The following KCNQ2 variants were observed in gnomAD, a reference collection of about 807,000 sequenced individuals.
KCNQ2 encodes the protein potassium voltage-gated channel subfamily Q member 2, also known as potassium voltage-gated channel subfamily KQT member 2.
In KCNQ2, 14 loss-of-function variants were observed where a neutral mutation model predicts 84.8. The ratio of observed to expected loss-of-function variants is 0.17; its 90% CI spans 0.11 to 0.26. The LOEUF is 0.26. Ranked by LOEUF, KCNQ2 falls within the 10% of genes least tolerant of loss-of-function variation. The pLI is 1.00. For missense variants in KCNQ2, 788 were observed against 1,254.0 expected, an observed-to-expected ratio of 0.63 and a Z score of 5.61; for synonymous variants, 599 against 554.1, an observed-to-expected ratio of 1.08 and a Z score of -1.14.
At chr20:63,421,860 A>T (rs143459797) in intron 11 of KCNQ2, among the ~76,000 whole-genome samples, 4,284 of 152,116 alleles carry the variant, frequency 0.028, 89 homozygotes, top group Middle Eastern at 0.082. Flanking sequence ...CGAGCCCCGC[A>T]GCCTGCCTGG....
intron 5 of KCNQ2, among the ~76,000 whole-genome samples, chr20:63,441,401 C>A (rs532289027): frequency 1.2e-3 from 183 of 152,184 alleles, no homozygotes; most frequent in African/African-American, 4.2e-3. Context: ...GCAGAGGGAC[C>A]CAGAGGGGAG....
At chr20:63,443,132 C>T (rs1238767425) in intron 4 of KCNQ2, among the ~76,000 whole-genome samples, 8 of 96,246 alleles carry the variant, frequency 8.3e-5, no homozygotes, top group African/African-American at 1.6e-4. Context: ...ACCACCACCA[C>T]CATCATCACC....
In KCNQ2 at chr20:63,400,755, G is replaced by A. The variant is rs980195821; in HGVS notation, c.*5889C>T. ...TGTGGATCCCGGGCAGAGGGATGGC[G>A]TCCAGCGGGACCACCAGCTCTGGGC... is the stretch of plus-strand genomic sequence containing the variant. On this transcript the variant is annotated 3_prime_UTR_variant, in exon 17 of 17. Transcript: ENST00000359125. This position sits in a 1 kb window ranked among gnomAD's most constrained non-coding sequence, Gnocchi z 8.7. 5.8e-5 allele frequency: 23 copies of A among 398,064 alleles called. No individual in the cohort carries two copies. The highest frequency in any genetic ancestry group is 2.5e-4 in the African/African-American group (12 of 48,506). 24.7% of individuals were successfully genotyped at this position (398,064 alleles called of 1,614,324 possible).
At chr20:63,454,855 A>C (rs1402690522) in intron 1 of KCNQ2, among the ~76,000 whole-genome samples, 1 of 152,136 alleles carries the variant, frequency 6.6e-6, no homozygotes, top group African/African-American at 2.4e-5. Context: ...CGAGCGTCCA[A>C]ATGTGGGACA....
chr20:63,464,238 G>A (rs2082027125), intron 1 of KCNQ2, among the ~76,000 whole-genome samples: 1 of 151,942 alleles, frequency 6.6e-6, no homozygotes, highest in Non-Finnish European at 1.5e-5. Flanking sequence ...GCTGGCCCTG[G>A]GCTGGGAGCT....
chr20:63,469,688 G>A (rs1314332554), intron 1 of KCNQ2, among the ~76,000 whole-genome samples: 2 of 152,278 alleles, frequency 1.3e-5, no homozygotes, highest in African/African-American at 2.4e-5. Context: ...GCAGCACAAG[G>A]AGCCCTGGCC....
At chr20:63,424,737 C>T (rs1025772360) in intron 10 of KCNQ2, among the ~76,000 whole-genome samples, 4 of 152,238 alleles carry the variant, frequency 2.6e-5, no homozygotes, top group African/African-American at 4.8e-5. Context: ...ACTGTCCCGG[C>T]CTCGTCCTGC....
Position 63,414,107 on chromosome 20 carries a change from C to G in KCNQ2, c.1612G>C (p.Val538Leu). 1 of 1,613,612 alleles carries G rather than the reference C, an allele frequency of 6.2e-7. No homozygotes were observed. Among genetic ancestry groups the G allele is most frequent in the South Asian group, 1.1e-5 (1 of 91,084 alleles). The stretch of plus-strand genomic sequence containing the variant: ...CCTCACCACACGGCTCTGATGCTGA[C>G]TTTGAGGCCCGGGGTCAGGTCCTCG... ...VTEDLTPGLKVSIRAVCVMRF... is the reference protein window; with the variant it reads ...VTEDLTPGLKLSIRAVCVMRF... The change falls in exon 14 of 17, where the codon GTC becomes CTC. Residue 538 changes from valine to leucine, a missense_variant. By Grantham distance (32) the Val-to-Leu change is conservative. Around this residue, in one of 8 missense-constraint regions of KCNQ2, gnomAD observed 202 missense variants for 239.4 expected, o/e 0.84. Transcript: ENST00000359125. The surrounding 1 kb of genome is among the most constrained non-coding windows in gnomAD (Gnocchi z 6.6).
Position 63,436,775 on chromosome 20 carries a change from C to CTTTT in KCNQ2, c.1023+1846_1023+1849dup, listed in dbSNP as rs60028841. Among the ~76,000 whole-genome samples, 30 of 122,372 alleles carry CTTTT rather than the reference C, an allele frequency of 2.5e-4. 2 individuals carry two copies. Among genetic ancestry groups the CTTTT allele is most frequent in the East Asian group, 7.3e-4 (3 of 4,104 alleles). The allele number at this position is 122,372 out of a possible 152,430, so 80.3% of individuals were successfully genotyped here. A position where few individuals can be genotyped will look rare whatever the true frequency, so the allele number is the denominator to read the frequency against. On this transcript the variant is annotated intron_variant, in intron 7 of 16. Transcript: ENST00000359125. ...AAGCTATGGCATGGTATAAACATAA[C>CTTTT]TTTTTTTTTTTTTTTTTTTGAGACG...
intron 1 of KCNQ2, among the ~76,000 whole-genome samples, chr20:63,468,353 G>A (rs1201111600): frequency 6.6e-6 from 1 of 152,208 alleles, no homozygotes; most frequent in African/African-American, 2.4e-5. Context: ...CCCGCTCTGT[G>A]CTGGGTAAAG....
At position 63,406,830 on chromosome 20, in the gene KCNQ2, C is replaced by T; in HGVS notation, c.2433G>A (p.Lys811=). The change falls in exon 17 of 17, where the codon AAG becomes AAA. Residue 811 remains lysine, a synonymous_variant. Coordinates refer to ENST00000359125, the MANE Select transcript of KCNQ2 (RefSeq NM_172107.4). ...AGCTGTTGAGAGCATCCAGGTTCTC[C>T]TTGGACTGGGAGATGCTGAAGCCGC... ...SFSGFSISQS[K]ENLDALNSCY... is the part of the protein sequence containing the mutation. The T allele has an allele frequency of 6.2e-7, 1 of 1,612,526 alleles. No homozygotes were observed.
chr20:63,421,958 G>C (rs2080484546), intron 11 of KCNQ2, among the ~76,000 whole-genome samples: 1 of 152,190 alleles, frequency 6.6e-6, no homozygotes, highest in Non-Finnish European at 1.5e-5. Flanking sequence ...CGCCAGCCGG[G>C]TCGCCTGCCA....
rs1341099526 is a variant in KCNQ2 at position 63,443,469 on chromosome 20, C to T, written c.691-938G>A. On this transcript the variant is annotated intron_variant, in intron 4 of 16. Transcript: ENST00000359125. ...ACCACCATCACCATCACCACCATCA[C>T]CACCATCATCACCACCACCATCACC... Among the ~76,000 whole-genome samples, 130 of 19,036 alleles carry T rather than the reference C, an allele frequency of 6.8e-3. 1 individual carries two copies. The highest frequency in any genetic ancestry group is 0.024 in the African/African-American group (115 of 4,838). The allele number at this position is 19,036 out of a possible 152,430, so 12.5% of individuals were successfully genotyped here.
In KCNQ2 at chr20:63,400,670, G is replaced by A. The variant is rs570972474; in HGVS notation, c.*5974C>T. The A allele has an allele frequency of 8.5e-5, 34 of 398,702 alleles. No individual in the cohort carries two copies. The highest frequency in any genetic ancestry group is 1.3e-4 in the Non-Finnish European group (30 of 226,084). 24.7% of individuals were successfully genotyped at this position (398,702 alleles called of 1,614,324 possible). A position where few individuals can be genotyped will look rare whatever the true frequency, so the allele number is the denominator to read the frequency against. On this transcript the variant is annotated 3_prime_UTR_variant, in exon 17 of 17. Transcript: ENST00000359125. This position sits in a 1 kb window ranked among gnomAD's most constrained non-coding sequence, Gnocchi z 8.7. ...TGGGGAAGCTGCAGCCACCGTCACG[G>A]CCAGAGGATGGCAGACTGCAATGGC...
At chr20:63,445,554 C>G in intron 2 of KCNQ2, 190 bp from the exon 3 acceptor site, 1 of 527,440 alleles carries the variant, frequency 1.9e-6, no homozygotes. Context: ...CCTCTGGAGA[C>G]CCTGCATCCG....
chr20:63,468,612 C>T (rs1486424829), intron 1 of KCNQ2, among the ~76,000 whole-genome samples: 1 of 152,258 alleles, frequency 6.6e-6, no homozygotes, highest in African/African-American at 2.4e-5. Flanking sequence ...CCGTCCCAGG[C>T]CCTTCCCTGC....
At chr20:63,423,196 C>A (rs1184955589) in intron 11 of KCNQ2, among the ~76,000 whole-genome samples, 1 of 152,168 alleles carries the variant, frequency 6.6e-6, no homozygotes, top group Non-Finnish European at 1.5e-5. Context: ...CAGCTCAAGG[C>A]ACTGACCATG....
chr20:63,425,983 A>G lies in KCNQ2; in HGVS notation c.1218-1777T>C, dbSNP rs1333470616. ...TTTCCAATCCGGCGGGGCAAACTCC[A>G]CGTGGCACAGCTCTGGGGACGCTCC... On this transcript the variant is annotated intron_variant, in intron 10 of 16. Transcript: ENST00000359125. The surrounding 1 kb of genome is among the most constrained non-coding windows in gnomAD (Gnocchi z 5.5). 6.6e-6 allele frequency among the ~76,000 whole-genome samples: 1 copy of G among 152,188 alleles called. No homozygotes were observed. The highest frequency in any genetic ancestry group is 1.5e-5 in the Non-Finnish European group (1 of 68,022).
At chr20:63,417,403 G>A (rs3895449) in intron 12 of KCNQ2, among the ~76,000 whole-genome samples, 8,188 of 152,296 alleles carry the variant, frequency 0.054, 944 homozygotes, top group East Asian at 0.53. Context: ...CTCTCTCTGC[G>A]TTTCCACCCG....
Sources: allele counts gnomAD v4.1 joint callset (sites outside exome capture counted in the v4.1 genomes callset), GRCh38; gene constraint gnomAD v4.1.1; regional missense constraint gnomAD v4.1.1; non-coding constraint Gnocchi (gnomAD v3.1); transcripts MANE v1.5; gene names NCBI Gene and HGNC (gene_info 2026-07-23, HGNC 2026-07-21).